Variants in B3GALT1 observed in about 807,000 individuals in gnomAD.
The protein encoded by B3GALT1 is UDP-Gal:betaGlcNAc beta 1,3-galactosyltransferase, polypeptide 1.
A neutral mutation model predicts 23.2 loss-of-function variants in B3GALT1; 10 were observed. The observed-to-expected ratio is 0.43, with a 90% CI of 0.27 to 0.73. The LOEUF (loss-of-function observed/expected upper bound fraction) is 0.73, where lower values mean the gene tolerates loss of function less well. Among genes scored for constraint, B3GALT1 ranks in the 30% least tolerant of loss-of-function variants. B3GALT1 has a pLI of 0.21. For missense variants in B3GALT1, 299 were observed against 405.4 expected (o/e 0.74, Z 2.25); for synonymous variants, 156 against 141.5 (o/e 1.10, Z -0.73).
chr2:167,499,177 T>A (rs1574105224), intron 2 of B3GALT1, among the ~76,000 whole-genome samples: 1 of 152,178 alleles, frequency 6.6e-6, no homozygotes, highest in East Asian at 1.9e-4. Flanking sequence ...TGGCTAAATT[T>A]GTTAGCAAAT....
Position 167,806,724 on chromosome 2 carries a change from T to G in B3GALT1, c.-351-11948T>G, listed in dbSNP as rs1414942775. 2.6e-5 allele frequency among the ~76,000 whole-genome samples: 4 copies of G among 152,224 alleles called. No homozygotes were observed. In the East Asian group the frequency reaches 7.7e-4, roughly 29 times the overall value. On this transcript the variant is annotated intron_variant, in intron 3 of 4. Coordinates refer to ENST00000392690, the MANE Select transcript of B3GALT1 (RefSeq NM_020981.4). ...GCTGCTGGATTTGGTTGCCAGTATT[T>G]TATTGAGGATTTTTGCATCGATGTA...
intron 1 of B3GALT1, among the ~76,000 whole-genome samples, chr2:167,295,736 G>A (rs1167394476): frequency 6.6e-6 from 1 of 151,440 alleles, no homozygotes; most frequent in Non-Finnish European, 1.5e-5. Context: ...GGAATTAAGA[G>A]CCTTTGTGCT....
At chr2:167,638,263 A>G (rs1440862679) in intron 2 of B3GALT1, among the ~76,000 whole-genome samples, 1 of 152,080 alleles carries the variant, frequency 6.6e-6, no homozygotes, top group East Asian at 1.9e-4. Flanking sequence ...ATTGTATGAT[A>G]TTGAAACATT....
At chr2:167,633,516 A>G (rs141988610) in intron 2 of B3GALT1, among the ~76,000 whole-genome samples, 1 of 151,998 alleles carries the variant, frequency 6.6e-6, no homozygotes, top group Non-Finnish European at 1.5e-5. Context: ...ACAACAAAAA[A>G]AAACCAGGGG....
chr2:167,329,613 T>C (rs1047150845), intron 1 of B3GALT1, among the ~76,000 whole-genome samples: 9 of 152,338 alleles, frequency 5.9e-5, no homozygotes, highest in African/African-American at 2.2e-4. Context: ...TCTTTAGATC[T>C]AGTAATATTT....
chr2:167,578,395 T>A (rs1485358374), intron 2 of B3GALT1, among the ~76,000 whole-genome samples: 2 of 151,982 alleles, frequency 1.3e-5, no homozygotes, highest in Non-Finnish European at 2.9e-5. Context: ...CACACTGTCT[T>A]CATTAGTGTT....
chr2:167,801,601 C>T lies in B3GALT1; in HGVS notation c.-351-17071C>T, dbSNP rs370518111. Among the ~76,000 whole-genome samples, 70 of 152,192 alleles carry T rather than the reference C, an allele frequency of 4.6e-4. 2 individuals carry two copies. The East Asian group carries it at 7.1e-3, about 16-fold the overall frequency. On this transcript the variant is annotated intron_variant, in intron 3 of 4. Transcript: ENST00000392690. ...CAATCTAGGTAAGAGTGTGTTTTGT[C>T]AAGTAGCAAATAATGCATTATTAAA...
At chr2:167,593,704 TG>T (rs1399407635) in intron 2 of B3GALT1, among the ~76,000 whole-genome samples, 1 of 152,148 alleles carries the variant, frequency 6.6e-6, no homozygotes, top group African/African-American at 2.4e-5. Context: ...CAGCATGAAC[TG>T]AGGTGGGTGA....
At chr2:167,407,372 GC>G (rs543340164) in intron 1 of B3GALT1, among the ~76,000 whole-genome samples, 426 of 152,128 alleles carry the variant, frequency 2.8e-3, no homozygotes, top group African/African-American at 9.7e-3. Flanking sequence ...AGCAATAAAT[GC>G]CTATATCAAA....
chr2:167,394,705 C>T (rs928623661), intron 1 of B3GALT1, among the ~76,000 whole-genome samples: 2 of 152,000 alleles, frequency 1.3e-5, no homozygotes, highest in Admixed American at 6.6e-5. Context: ...ACTCAATGCT[C>T]CCAAAGGAAG....
chr2:167,492,854 T>C (rs1386251622), intron 2 of B3GALT1, among the ~76,000 whole-genome samples: 2 of 148,270 alleles, frequency 1.3e-5, no homozygotes, highest in Non-Finnish European at 3.0e-5. Context: ...GTGTGAGTTA[T>C]ATCCAAGTGT....
At chr2:167,480,947 C>T (rs907181011) in intron 1 of B3GALT1, among the ~76,000 whole-genome samples, 2 of 152,184 alleles carry the variant, frequency 1.3e-5, no homozygotes, top group Non-Finnish European at 2.9e-5. Context: ...TATGGCATCA[C>T]TTATCTTTTC....
chr2:167,539,337 T>C (rs1683494858), intron 2 of B3GALT1, among the ~76,000 whole-genome samples: 1 of 151,872 alleles, frequency 6.6e-6, no homozygotes, highest in Admixed American at 6.6e-5. Flanking sequence ...AGAAGAAAAA[T>C]GACACCTCCA....
At chr2:167,397,760 G>T (rs1436866773) in intron 1 of B3GALT1, among the ~76,000 whole-genome samples, 1 of 152,110 alleles carries the variant, frequency 6.6e-6, no homozygotes, top group Non-Finnish European at 1.5e-5. Context: ...TTCTTGTCCT[G>T]TGAGTAGATC....
At chr2:167,649,218 C>T (rs2105462383) in intron 3 of B3GALT1, among the ~76,000 whole-genome samples, 1 of 152,142 alleles carries the variant, frequency 6.6e-6, no homozygotes, top group South Asian at 2.1e-4. Context: ...TAAACCTTGG[C>T]ATTTTTCATT....
intron 1 of B3GALT1, among the ~76,000 whole-genome samples, chr2:167,338,919 A>G (rs989688057): frequency 2.0e-5 from 3 of 152,166 alleles, no homozygotes; most frequent in Non-Finnish European, 4.4e-5. Flanking sequence ...AAAAAATGAA[A>G]TGAGATGTCA....
chr2:167,680,191 C>T (rs892723378), intron 3 of B3GALT1, among the ~76,000 whole-genome samples: 1 of 152,126 alleles, frequency 6.6e-6, no homozygotes, highest in Non-Finnish European at 1.5e-5. Flanking sequence ...GAAAATATCA[C>T]GTAGAAAGTT....
chr2:167,566,581 C>T (rs951779311), intron 2 of B3GALT1, among the ~76,000 whole-genome samples: 2 of 151,612 alleles, frequency 1.3e-5, no homozygotes, highest in South Asian at 2.1e-4. Flanking sequence ...AAAAGAATAA[C>T]GTAGTCCAGC....
At chr2:167,329,812 GT>G (rs76864874) in intron 1 of B3GALT1, among the ~76,000 whole-genome samples, 143,149 of 148,620 alleles carry the variant, frequency 0.96, 69,080 homozygotes, top group Non-Finnish European at 1. Flanking sequence ...TTTTTGTTTT[GT>G]TTTTTTTTTT....
Sources: allele counts gnomAD v4.1 joint callset (sites outside exome capture counted in the v4.1 genomes callset), GRCh38; gene constraint gnomAD v4.1.1; transcripts MANE v1.5; gene names NCBI Gene and HGNC (gene_info 2026-07-23, HGNC 2026-07-21).